Variants in IL1R1 observed in about 807,000 individuals in gnomAD.
IL1R1 encodes the protein interleukin-1 receptor type 1.
A neutral mutation model predicts 50.2 loss-of-function variants in IL1R1; 22 were observed. The observed-to-expected ratio is 0.44, with a 90% CI of 0.31 to 0.63. The LOEUF (loss-of-function observed/expected upper bound fraction) is 0.63. Among genes scored for constraint, IL1R1 ranks in the 20% least tolerant of loss-of-function variants. The probability of loss-of-function intolerance (pLI) is 0.07; values close to 1 mark genes in which losing one functional copy is unlikely to be tolerated. For missense variants in IL1R1, 509 were observed against 676.2 expected, an observed-to-expected ratio of 0.75 and a Z score of 2.74; for synonymous variants, 251 against 236.7, an observed-to-expected ratio of 1.06 and a Z score of -0.55.
rs199515428 is a variant in IL1R1, at chr2:102,176,620, A to C, written c.1571A>C (p.Gln524Pro). 1.2e-5 allele frequency: 19 copies of C among 1,614,102 alleles called. No homozygotes were observed. The highest frequency in any genetic ancestry group is 1.4e-5 in the Non-Finnish European group (17 of 1,180,038). The change falls in exon 12 of 12, where the codon CAG becomes CCG. Residue 524 changes from glutamine (Q) to proline (P), a missense_variant. Transcript: ENST00000410023. ...RWSGDFTQGP[Q>P]SAKTRFWKNV... ...TCAGGGGACTTTACACAGGGACCAC[A>C]GTCTGCAAAGACAAGGTTCTGGAAG...
At chr2:102,131,507 C>T (rs375673399) in intron 1 of IL1R1, among the ~76,000 whole-genome samples, 11 of 152,082 alleles carry the variant, frequency 7.2e-5, no homozygotes, top group South Asian at 6.2e-4. Flanking sequence ...AAACAAAAGA[C>T]GTGAAAATGC....
chr2:102,124,625 C>T (rs1365694832), intron 1 of IL1R1, among the ~76,000 whole-genome samples: 1 of 152,020 alleles, frequency 6.6e-6, no homozygotes, highest in Non-Finnish European at 1.5e-5. Context: ...ACTTTTAAAA[C>T]CATCAGATCT....
chr2:102,098,425 A>G (rs979551449), intron 1 of IL1R1, among the ~76,000 whole-genome samples: 1 of 152,196 alleles, frequency 6.6e-6, no homozygotes, highest in African/African-American at 2.4e-5. Flanking sequence ...AACAAAAGTA[A>G]AAAGCACTGT....
At chr2:102,165,901 A>T (rs1685142513) in intron 5 of IL1R1, among the ~76,000 whole-genome samples, 1 of 152,198 alleles carries the variant, frequency 6.6e-6, no homozygotes, top group Non-Finnish European at 1.5e-5. Flanking sequence ...TCATAGTACA[A>T]GTCTCATAGA....
At chr2:102,165,374 A>G (rs569053203) in intron 5 of IL1R1, 70 bp downstream of exon 5, 18 of 768,206 alleles carry the variant, frequency 2.3e-5, no homozygotes, top group Middle Eastern at 2.9e-4. Flanking sequence ...AATAGAATGT[A>G]TCTGCAAAGT....
chr2:102,131,273 C>G (rs901883669), intron 1 of IL1R1, among the ~76,000 whole-genome samples: 5 of 152,168 alleles, frequency 3.3e-5, no homozygotes, highest in Non-Finnish European at 5.9e-5. Flanking sequence ...CTCAATAACT[C>G]AAATGCATCC....
chr2:102,080,618 G>T (rs1211524069), intron 1 of IL1R1, among the ~76,000 whole-genome samples: 2 of 152,198 alleles, frequency 1.3e-5, no homozygotes, highest in East Asian at 1.9e-4. Context: ...TTACTGGAAG[G>T]AATGTAAGAT....
At chr2:102,141,026 G>T (rs1323617358), upstream of IL1R1, among the ~76,000 whole-genome samples, 3 of 152,160 alleles carry the variant, frequency 2.0e-5, no homozygotes, top group Non-Finnish European at 4.4e-5. Flanking sequence ...CTTTCTACTT[G>T]TAAACTGCTT....
Position 102,175,381 on chromosome 2 carries a change from T to G in IL1R1, c.1136-97T>G, listed in dbSNP as rs957012916. On this transcript the variant is annotated intron_variant, in intron 10 of 11. Transcript: ENST00000410023. ...AGTCATGCCATTGTATAAAAAAAGATGAATAGTTCATTATGTAATGAATGT... is the reference window on the plus strand; with the variant it reads ...AGTCATGCCATTGTATAAAAAAAGAGGAATAGTTCATTATGTAATGAATGT... 1.4e-5 allele frequency: 13 copies of G among 905,434 alleles called. No individual in the cohort carries two copies. The African/African-American group carries it at 2.0e-4, about 14-fold the overall frequency. The allele number at this position is 905,434 out of a possible 1,614,324, so 56.1% of individuals were successfully genotyped here. A position where few individuals can be genotyped will look rare whatever the true frequency, so the allele number is the denominator to read the frequency against.
intron 1 of IL1R1, among the ~76,000 whole-genome samples, chr2:102,091,242 G>GT (rs901029463): frequency 6.6e-5 from 10 of 151,966 alleles, no homozygotes; most frequent in South Asian, 4.2e-4. Context: ...TCTTCTAGTA[G>GT]TTTTTTTTCT....
intron 1 of IL1R1, among the ~76,000 whole-genome samples, chr2:102,120,992 C>A (rs1426034133): frequency 2.0e-5 from 3 of 152,184 alleles, no homozygotes; most frequent in African/African-American, 7.2e-5. Context: ...TCTTGGCAAG[C>A]AGCTGCTTGG....
chr2:102,132,528 C>G (rs142482549), intron 1 of IL1R1, among the ~76,000 whole-genome samples: 1 of 152,002 alleles, frequency 6.6e-6, no homozygotes, highest in Non-Finnish European at 1.5e-5. Flanking sequence ...CCTTAAGTAA[C>G]TAGAAAAAGG....
intron 1 of IL1R1, among the ~76,000 whole-genome samples, chr2:102,148,740 T>C (rs1041928298): frequency 2.0e-5 from 3 of 152,230 alleles, no homozygotes; most frequent in African/African-American, 7.2e-5. Flanking sequence ...TCTAAAGTTT[T>C]TTCCATAAGT....
At position 102,174,588 on chromosome 2, in the gene IL1R1, C is replaced by A; in HGVS notation, c.993C>A (p.Val331=). 1 of 1,552,590 alleles carries A rather than the reference C, an allele frequency of 6.4e-7. No individual in the cohort carries two copies. The highest frequency in any genetic ancestry group is 1.3e-5 in the South Asian group (1 of 79,890). The change falls in exon 10 of 12, where the codon GTC becomes GTA. Residue 331 remains valine, a splice_region_variant and synonymous_variant. Transcript: ENST00000410023. ...DAAYIQLIYP[V]TNFQKHMIGI... Reference sequence around the variant, plus strand: ...CCTTTTTTTTTCTTTTTGCTATAGTCACTAATTTCCAGAAGCACATGATTG... The same window carrying A: ...CCTTTTTTTTTCTTTTTGCTATAGTAACTAATTTCCAGAAGCACATGATTG...
intron 1 of IL1R1, among the ~76,000 whole-genome samples, chr2:102,079,134 C>A (rs1347130668): frequency 1.3e-5 from 2 of 152,106 alleles, no homozygotes; most frequent in African/African-American, 4.8e-5. Flanking sequence ...TGATAATGGG[C>A]ATCCAAAAAA....
chr2:102,149,006 A>G (rs141741942), intron 1 of IL1R1, among the ~76,000 whole-genome samples: 49 of 152,270 alleles, frequency 3.2e-4, no homozygotes, highest in Admixed American at 1.2e-3. Flanking sequence ...CATCATAATT[A>G]TGGGCTTGGT....
chr2:102,143,124 C>G (rs993531379), intron 1 of IL1R1, 104 bp downstream of exon 1: 3 of 152,466 alleles, frequency 2.0e-5, no homozygotes, highest in Admixed American at 6.5e-5. Flanking sequence ...AGCGTCCTCC[C>G]TAAGTTGCAC....
intron 1 of IL1R1, among the ~76,000 whole-genome samples, chr2:102,151,442 C>T (rs1232833163): frequency 6.6e-6 from 1 of 152,200 alleles, no homozygotes; most frequent in African/African-American, 2.4e-5. Flanking sequence ...GATTCCTTCC[C>T]TCCCTCCCTC....
At chr2:102,077,374 G>A (rs559416262) in intron 1 of IL1R1, among the ~76,000 whole-genome samples, 1 of 152,232 alleles carries the variant, frequency 6.6e-6, no homozygotes, top group Admixed American at 6.5e-5. Flanking sequence ...CCCGGCCGAA[G>A]TTTACTAATC....
Sources: gnomAD v4.1 joint callset for allele counts (sites outside exome capture counted in the v4.1 genomes callset) on GRCh38, gnomAD v4.1.1 for gene constraint, MANE v1.5 for transcripts, NCBI Gene and HGNC (gene_info 2026-07-23, HGNC 2026-07-21) for gene names.